Variants in LARP4B observed in about 807,000 individuals in gnomAD.
LARP4B encodes la-related protein 4B.
A neutral mutation model predicts 89.8 loss-of-function variants in LARP4B; 12 were observed. That is an observed-to-expected ratio of 0.13 (90% CI 0.09 to 0.22). The LOEUF (loss-of-function observed/expected upper bound fraction) is 0.22. LARP4B is among the 10% of genes least tolerant of loss of function. The probability of loss-of-function intolerance (pLI) is 1.00; values close to 1 mark genes in which losing one functional copy is unlikely to be tolerated. For missense variants in LARP4B, 757 were observed against 947.7 expected (o/e 0.80, Z 2.64); for synonymous variants, 367 against 363.3 (o/e 1.01, Z -0.12).
chr10:809,547 C>T lies in LARP4B; in HGVS notation c.*3379G>A, dbSNP rs1349522790. On this transcript the variant is annotated 3_prime_UTR_variant, in exon 18 of 18. Coordinates refer to ENST00000316157, the MANE Select transcript of LARP4B (RefSeq NM_015155.3). Reference sequence around the variant, plus strand: ...AAAAAAAATCAAAAGAAAAATTGAACAGTGCCTAAATCTTTATTTTCATAA... The same window carrying T: ...AAAAAAAATCAAAAGAAAAATTGAATAGTGCCTAAATCTTTATTTTCATAA... 3 of 152,242 alleles carry T rather than the reference C, an allele frequency of 2.0e-5. No homozygotes were observed. Among genetic ancestry groups the T allele is most frequent in the African/African-American group, 7.2e-5 (3 of 41,432 alleles). 9.4% of individuals were successfully genotyped at this position (152,242 alleles called of 1,614,324 possible). A position where few individuals can be genotyped will look rare whatever the true frequency, so the allele number is the denominator to read the frequency against.
chr10:944,833 C>T, the LARP4B span, among the ~76,000 whole-genome samples: 5 of 152,024 alleles, frequency 3.3e-5, no homozygotes, highest in African/African-American at 1.2e-4. Context: ...TGGCTCAAGT[C>T]GGCGTCTAAA....
At chr10:934,466 G>A (rs763995624), upstream of LARP4B, among the ~76,000 whole-genome samples, 3 of 151,840 alleles carry the variant, frequency 2.0e-5, no homozygotes, top group Non-Finnish European at 2.9e-5. Context: ...TTCCAGCCTG[G>A]GTGACAGAGC....
the LARP4B span, among the ~76,000 whole-genome samples, chr10:960,418 T>C: frequency 4.0e-5 from 6 of 151,810 alleles, 1 homozygote; most frequent in Admixed American, 3.3e-4. Context: ...CTGGGTATGG[T>C]GGGAGGCGCT....
chr10:978,948 A>G, the LARP4B span, among the ~76,000 whole-genome samples: 1 of 150,204 alleles, frequency 6.7e-6, no homozygotes, highest in Non-Finnish European at 1.5e-5. Context: ...CCTCCTTAAT[A>G]TTGAAGATAT....
chr10:852,559 C>T (rs1279527763), intron 5 of LARP4B, among the ~76,000 whole-genome samples: 1 of 152,176 alleles, frequency 6.6e-6, no homozygotes, highest in African/African-American at 2.4e-5. Context: ...TCTTGTAAGA[C>T]CAGAGACAAC....
At chr10:862,770 T>A (rs1834693916) in intron 5 of LARP4B, among the ~76,000 whole-genome samples, 1 of 151,030 alleles carries the variant, frequency 6.6e-6, no homozygotes, top group Non-Finnish European at 1.5e-5. Flanking sequence ...AAAAAAAAAA[T>A]GAAAACATGA....
At chr10:898,052 T>A (rs2131977508) in intron 1 of LARP4B, among the ~76,000 whole-genome samples, 1 of 128,666 alleles carries the variant, frequency 7.8e-6, no homozygotes, top group South Asian at 2.5e-4. Flanking sequence ...CCAAAGAAGA[T>A]ATACAAATGG....
intron 1 of LARP4B, among the ~76,000 whole-genome samples, chr10:913,348 CTACCAAAA>C (rs1836727254): frequency 6.6e-6 from 1 of 152,168 alleles, no homozygotes; most frequent in Admixed American, 6.5e-5. Flanking sequence ...TGATATTTCA[CTACCAAAA>C]TATATGAAAC....
intron 13 of LARP4B, among the ~76,000 whole-genome samples, chr10:824,615 T>G (rs933523940): frequency 2.0e-5 from 3 of 152,208 alleles, no homozygotes; most frequent in Admixed American, 2.0e-4. Context: ...CTGGCTAGTC[T>G]CAACCCTCCA....
intron 1 of LARP4B, among the ~76,000 whole-genome samples, chr10:909,028 C>T (rs1836579940): frequency 6.6e-6 from 1 of 152,178 alleles, no homozygotes; most frequent in Non-Finnish European, 1.5e-5. Flanking sequence ...GGCGCGGTGG[C>T]TCATGCCTGT....
At chr10:971,720 G>A in the LARP4B span, 3 of 152,242 alleles carry the variant, frequency 2.0e-5, no homozygotes, top group East Asian at 1.9e-4. Flanking sequence ...CTTGCAAGGC[G>A]GGAGGCAAAG....
intron 5 of LARP4B, among the ~76,000 whole-genome samples, chr10:862,556 C>A (rs527801602): frequency 6.6e-6 from 1 of 152,062 alleles, no homozygotes; most frequent in Admixed American, 6.5e-5. Flanking sequence ...GTCAGGAGAT[C>A]GAGACCATCC....
chr10:975,398 T>C, the LARP4B span, among the ~76,000 whole-genome samples: 2 of 152,230 alleles, frequency 1.3e-5, no homozygotes, highest in African/African-American at 4.8e-5. Context: ...AAGCGTCTGT[T>C]GAATTCAGTT....
At chr10:813,419 G>A (rs118177002) in intron 17 of LARP4B, among the ~76,000 whole-genome samples, 3,243 of 152,356 alleles carry the variant, frequency 0.021, 64 homozygotes, top group Admixed American at 0.061. Flanking sequence ...CTGTAGTAAT[G>A]GATAAAATTA....
intron 1 of LARP4B, among the ~76,000 whole-genome samples, chr10:922,647 C>T (rs1837011155): frequency 6.6e-6 from 1 of 151,468 alleles, no homozygotes; most frequent in Non-Finnish European, 1.5e-5. Context: ...ACTCCTGCAG[C>T]CTGGGCAACA....
At chr10:846,595 G>A (rs146510349) in intron 5 of LARP4B, among the ~76,000 whole-genome samples, 11 of 152,180 alleles carry the variant, frequency 7.2e-5, no homozygotes, top group Admixed American at 4.6e-4. Flanking sequence ...CACAGAGGCC[G>A]GTGTGTGTGA....
intron 1 of LARP4B, 40 bp from the exon 2 acceptor site, chr10:885,800 G>C (rs1349114824): frequency 1.0e-6 from 1 of 976,206 alleles, no homozygotes; most frequent in Non-Finnish European, 1.6e-6. Flanking sequence ...CATTTGAAGG[G>C]CACAGTATGA....
chr10:982,096 T>TTTTC, the LARP4B span, among the ~76,000 whole-genome samples: 232 of 121,084 alleles, frequency 1.9e-3, no homozygotes, highest in African/African-American at 6.7e-3. Flanking sequence ...TATAGCTTTT[T>TTTTC]TTTCTTTCTT....
At chr10:819,332 C>CA (rs1474531794) in intron 14 of LARP4B, 1 of 152,224 alleles carries the variant, frequency 6.6e-6, no homozygotes, top group Non-Finnish European at 1.5e-5. Context: ...AAAATGACAT[C>CA]ACCCACAGAT....
Sources: allele counts gnomAD v4.1 joint callset (sites outside exome capture counted in the v4.1 genomes callset), GRCh38; gene constraint gnomAD v4.1.1; transcripts MANE v1.5; gene names NCBI Gene and HGNC (gene_info 2026-07-23, HGNC 2026-07-21).